Variants in SETD1B observed in about 807,000 individuals in gnomAD.
The protein encoded by SETD1B is SET domain containing 1B, histone lysine methyltransferase, also known as histone-lysine N-methyltransferase SETD1B.
A neutral mutation model predicts 148.0 loss-of-function variants in SETD1B; 7 were observed. The observed-to-expected ratio is 0.05, with a 90% confidence interval of 0.03 to 0.09. The LOEUF is 0.09. Among genes scored for constraint, SETD1B ranks in the 10% least tolerant of loss-of-function variants. SETD1B has a pLI of 1.00. For missense variants in SETD1B, 2,155 were observed against 2,729.9 expected, an observed-to-expected ratio of 0.79 and a Z score of 4.69; for synonymous variants, 1,361 against 1,186.5, an observed-to-expected ratio of 1.15 and a Z score of -3.02.
At chr12:121,829,087 G>A (rs1876973554) in intron 16 of SETD1B, among the ~76,000 whole-genome samples, 1 of 152,124 alleles carries the variant, frequency 6.6e-6, no homozygotes, top group Non-Finnish European at 1.5e-5. Flanking sequence ...GTGGGCATGG[G>A]GTGGGGTAAG....
intron 4 of SETD1B, 113 bp downstream of exon 4, chr12:121,806,218 C>G (rs188685769): frequency 5.9e-5 from 71 of 1,204,416 alleles, no homozygotes; most frequent in Non-Finnish European, 7.8e-5. Context: ...GGATCCCCCC[C>G]CACAACCTTA....
the SETD1B span, among the ~76,000 whole-genome samples, chr12:121,791,522 G>A: frequency 6.6e-6 from 1 of 152,168 alleles, no homozygotes; most frequent in Non-Finnish European, 1.5e-5. Context: ...GATCCCCATG[G>A]TGCCAGTGGT....
At chr12:121,829,303 G>C (rs899311116) in intron 16 of SETD1B, among the ~76,000 whole-genome samples, 1 of 152,192 alleles carries the variant, frequency 6.6e-6, no homozygotes, top group Admixed American at 6.5e-5. Context: ...AGTGATGGGG[G>C]CCTGAGCGTG....
At chr12:121,790,386 C>T in the SETD1B span, among the ~76,000 whole-genome samples, 1 of 152,276 alleles carries the variant, frequency 6.6e-6, no homozygotes, top group Non-Finnish European at 1.5e-5. Flanking sequence ...ATTCCCTCAC[C>T]CTCTTGGCCT....
chr12:121,814,989 C>A, intron 7 of SETD1B, 59 bp downstream of exon 7: 1 of 1,416,416 alleles, frequency 7.1e-7, no homozygotes, highest in Non-Finnish European at 9.6e-7. Flanking sequence ...GGTCCCCAGC[C>A]GGGCACCTCC....
chr12:121,805,267 C>G lies in SETD1B; in HGVS notation c.273+51C>G. 7.7e-7 allele frequency: 1 copy of G among 1,299,106 alleles called. No individual in the cohort carries two copies. Among genetic ancestry groups the G allele is most frequent in the African/African-American group, 1.5e-5 (1 of 65,648 alleles). The allele number at this position is 1,299,106 out of a possible 1,614,324, so 80.5% of individuals were successfully genotyped here. A position where few individuals can be genotyped will look rare whatever the true frequency, so the allele number is the denominator to read the frequency against. On this transcript the variant is annotated intron_variant, in intron 3 of 16. Transcript: ENST00000604567. This position sits in a 1 kb window ranked among gnomAD's most constrained non-coding sequence, Gnocchi z 4.2. ...CGTCCCTCCCCCACCTCCCCGAGTT[C>G]GAAAATAACGCCAGTCCTGACCGAG...
At position 121,808,551 on chromosome 12, in the gene SETD1B, G is replaced by A. The variant is rs1432000657; in HGVS notation, c.657+231G>A. ...CCTGCAGTAGGGCTCCATGGGATTGGTTCTGTTTCCTGTGGCTTCTCCCCT... is the reference window on the plus strand; with the variant it reads ...CCTGCAGTAGGGCTCCATGGGATTGATTCTGTTTCCTGTGGCTTCTCCCCT... On this transcript the variant is annotated intron_variant, in intron 5 of 16. Transcript: ENST00000604567. This position sits in a 1 kb window ranked among gnomAD's most constrained non-coding sequence, Gnocchi z 5.3. Among the ~76,000 whole-genome samples, 1 of 152,250 alleles carries A rather than the reference G, an allele frequency of 6.6e-6. No homozygotes were observed. Among genetic ancestry groups the A allele is most frequent in the Non-Finnish European group, 1.5e-5 (1 of 68,044 alleles).
chr12:121,797,496 C>A, the SETD1B span: 3 of 456,428 alleles, frequency 6.6e-6, no homozygotes, highest in Non-Finnish European at 1.3e-5. Flanking sequence ...AGAAGAGGGA[C>A]CAAAGCAGAG....
At chr12:121,820,232 C>T (rs554633660) in intron 11 of SETD1B, among the ~76,000 whole-genome samples, 68 of 152,344 alleles carry the variant, frequency 4.5e-4, no homozygotes, top group Non-Finnish European at 9.0e-4. Flanking sequence ...AGTGACAAGT[C>T]GGTGGGGTAG....
At position 121,830,012 on chromosome 12, in the gene SETD1B, G is replaced by C. The variant is rs1267270199; in HGVS notation, c.5728-54G>C. 1 of 1,513,468 alleles carries C rather than the reference G, an allele frequency of 6.6e-7. No homozygotes were observed. The highest frequency in any genetic ancestry group is 8.9e-7 in the Non-Finnish European group (1 of 1,122,426). 93.8% of individuals were successfully genotyped at this position (1,513,468 alleles called of 1,614,324 possible). Reference sequence around the variant, plus strand: ...TGGTTGGGTTTGGGGGGTCTGCAGTGGTGGGGGACCCTGGGGGACCAGGGG... The same window carrying C: ...TGGTTGGGTTTGGGGGGTCTGCAGTCGTGGGGGACCCTGGGGGACCAGGGG... On this transcript the variant is annotated intron_variant, in intron 16 of 16. Coordinates refer to ENST00000604567, the MANE Select transcript of SETD1B (RefSeq NM_001353345.2). This position sits in a 1 kb window ranked among gnomAD's most constrained non-coding sequence, Gnocchi z 5.7.
chr12:121,814,986 AG>A, intron 7 of SETD1B, 56 bp downstream of exon 7: 1 of 1,438,288 alleles, frequency 7.0e-7, no homozygotes, highest in Non-Finnish European at 9.4e-7. Context: ...GCAGGTCCCC[AG>A]CCGGGCACCT....
At chr12:121,813,862 A>G (rs1876154502) in intron 6 of SETD1B, among the ~76,000 whole-genome samples, 1 of 152,140 alleles carries the variant, frequency 6.6e-6, no homozygotes, top group Admixed American at 6.5e-5. Context: ...AGTGCCTGGC[A>G]CACAGGTACT....
Position 121,814,616 on chromosome 12 carries a change from G to T in SETD1B, c.2401G>T (p.Ala801Ser), listed in dbSNP as rs1435548610. The T allele has an allele frequency of 1.3e-6, 2 of 1,543,094 alleles. No homozygotes were observed. The highest frequency in any genetic ancestry group is 1.8e-6 in the Non-Finnish European group (2 of 1,142,490). The change falls in exon 7 of 17, where the codon GCG (alanine) becomes TCG (serine). Residue 801 changes from alanine to serine, a missense_variant. By Grantham distance (99) the Ala-to-Ser change is moderately conservative. Around this residue, in one of 11 missense-constraint regions of SETD1B, gnomAD observed 289 missense variants for 423.7 expected, o/e 0.68. Coordinates refer to ENST00000604567, the MANE Select transcript of SETD1B (RefSeq NM_001353345.2). ...CCCCTACCCGCCCTTCATGGCCGCT[G>T]CGGCCGCCGCTGCCTCAGCTGGGCT... is the stretch of plus-strand genomic sequence containing the variant. Reference protein sequence around the residue: ...ACPYPPFMAAAAAAASAGLQF... With the variant: ...ACPYPPFMAASAAAASAGLQF...
chr12:121,827,204 C>T (rs568224441), intron 13 of SETD1B, among the ~76,000 whole-genome samples: 37 of 151,964 alleles, frequency 2.4e-4, no homozygotes, highest in East Asian at 5.8e-4. Context: ...CGATTTTGAA[C>T]GCTTGTGGGG....
Position 121,810,646 on chromosome 12 carries a change from C to T in SETD1B, c.1701C>T (p.Thr567=), listed in dbSNP as rs376667711. The T allele has an allele frequency of 4.3e-5, 67 of 1,548,822 alleles. No individual in the cohort carries two copies. The highest frequency in any genetic ancestry group is 4.2e-4 in the East Asian group (17 of 40,888). Residue 567 remains threonine (T), a synonymous_variant, in exon 6 of 17, where the codon ACC becomes ACT. Coordinates refer to ENST00000604567, the MANE Select transcript of SETD1B (RefSeq NM_001353345.2). The surrounding 1 kb of genome is among the most constrained non-coding windows in gnomAD (Gnocchi z 7.6). ...CCCCCTCGTCACGCCCCTCCAGCACCGGCCTGGAGGATATCAGCCCAACAC... is the reference window on the plus strand; with the variant it reads ...CCCCCTCGTCACGCCCCTCCAGCACTGGCCTGGAGGATATCAGCCCAACAC... ...PTPPSSRPSS[T]GLEDISPTPL...
At chr12:121,826,266 C>CA (rs1876833966) in intron 13 of SETD1B, among the ~76,000 whole-genome samples, 5 of 117,726 alleles carry the variant, frequency 4.2e-5, no homozygotes, top group Middle Eastern at 5.5e-3. Flanking sequence ...GAAAGAAGCA[C>CA]GTAATTCCAG....
At chr12:121,795,579 C>G in the SETD1B span, 2 of 152,310 alleles carry the variant, frequency 1.3e-5, no homozygotes, top group African/African-American at 4.8e-5. Context: ...CTGCCAGGCT[C>G]CACAGGAGTG....
At position 121,827,859 on chromosome 12, in the gene SETD1B, G is replaced by A. The variant is rs1255956598; in HGVS notation, c.5589+5G>A. 4 of 1,555,442 alleles carry A rather than the reference G, an allele frequency of 2.6e-6. No homozygotes were observed. The highest frequency in any genetic ancestry group is 2.4e-5 in the East Asian group (1 of 41,306). On this transcript the variant is annotated splice_donor_5th_base_variant and intron_variant, in intron 15 of 16. Coordinates refer to ENST00000604567, the MANE Select transcript of SETD1B (RefSeq NM_001353345.2). ...GTGGGCCAGAATATCCGTCAGGTAG[G>A]CACCGCCCGGCAGGATGGGCACCGG...
chr12:121,798,764 G>A, the SETD1B span, among the ~76,000 whole-genome samples: 3 of 152,180 alleles, frequency 2.0e-5, no homozygotes, highest in Non-Finnish European at 4.4e-5. Context: ...GGACCCAAAT[G>A]GTTCATCAAA....
Sources: allele counts gnomAD v4.1 joint callset (sites outside exome capture counted in the v4.1 genomes callset), GRCh38; gene constraint gnomAD v4.1.1; regional missense constraint gnomAD v4.1.1; non-coding constraint Gnocchi (gnomAD v3.1); transcripts MANE v1.5; gene names NCBI Gene and HGNC (gene_info 2026-07-23, HGNC 2026-07-21).